PDE7A: variants seen among roughly 807,000 people sequenced by gnomAD.
PDE7A encodes the protein phosphodiesterase 7A, also known as high affinity 3',5'-cyclic-AMP phosphodiesterase 7A.
A neutral mutation model predicts 64.3 loss-of-function variants in PDE7A; 39 were observed. That is an observed-to-expected ratio of 0.61 (90% CI 0.47 to 0.79). The LOEUF is 0.79. PDE7A is among the 30% of genes least tolerant of loss of function. The probability of loss-of-function intolerance (pLI) is 0.00; values close to 1 mark genes in which losing one functional copy is unlikely to be tolerated. For missense variants in PDE7A, 470 were observed against 582.8 expected, an observed-to-expected ratio of 0.81 and a Z score of 1.99; for synonymous variants, 203 against 206.8, an observed-to-expected ratio of 0.98 and a Z score of 0.16.
chr8:65,820,015 T>C (rs909932630), intron 1 of PDE7A, among the ~76,000 whole-genome samples: 9 of 152,238 alleles, frequency 5.9e-5, no homozygotes, highest in South Asian at 2.1e-4. Context: ...TGGAGCAGAA[T>C]AGAATATCTC....
At chr8:65,808,045 C>T (rs373578461) in intron 1 of PDE7A, among the ~76,000 whole-genome samples, 1 of 152,202 alleles carries the variant, frequency 6.6e-6, no homozygotes, top group East Asian at 1.9e-4. Context: ...CAGTTCTGTA[C>T]ATGTCTTCCC....
chr8:65,828,012 TTAAC>T (rs1436398815), intron 1 of PDE7A, among the ~76,000 whole-genome samples: 1 of 152,170 alleles, frequency 6.6e-6, no homozygotes, highest in Admixed American at 6.6e-5. Context: ...CATTAGATTA[TTAAC>T]TAACTAGACC....
chr8:65,734,743 C>A, intron 7 of PDE7A, 51 bp downstream of exon 7: 1 of 1,032,386 alleles, frequency 9.7e-7, no homozygotes, highest in Non-Finnish European at 1.5e-6. Context: ...GAAAGTAAAT[C>A]AAAAGGAATT....
chr8:65,828,660 G>A (rs1285586378), intron 1 of PDE7A, among the ~76,000 whole-genome samples: 1 of 152,020 alleles, frequency 6.6e-6, no homozygotes, highest in East Asian at 1.9e-4. Flanking sequence ...GTATAGCATA[G>A]ACCTTCTGTC....
chr8:65,755,002 CTGTT>C (rs988936305), intron 3 of PDE7A, among the ~76,000 whole-genome samples: 9 of 149,900 alleles, frequency 6.0e-5, no homozygotes, highest in Admixed American at 5.4e-4. Context: ...CCATCATTGC[CTGTT>C]TATTTTTTTT....
At chr8:65,780,243 G>A (rs371723874) in intron 2 of PDE7A, among the ~76,000 whole-genome samples, 1 of 152,010 alleles carries the variant, frequency 6.6e-6, no homozygotes, top group East Asian at 1.9e-4. Context: ...ATTAAGAGCC[G>A]ACTCTGTGCC....
Position 65,766,103 on chromosome 8 carries a change from G to A in PDE7A, c.283+13617C>T, listed in dbSNP as rs557836656. Among the ~76,000 whole-genome samples, 1,131 of 152,100 alleles carry A rather than the reference G, an allele frequency of 7.4e-3. 8 individuals are homozygous for A. Among genetic ancestry groups the A allele is most frequent in the African/African-American group, 0.025 (1,020 of 41,478 alleles). On this transcript the variant is annotated intron_variant, in intron 3 of 12. Transcript: ENST00000401827. ...TGGGATTACAGGCGCCCGCCACCACGCCCAGCTAATTTTTGTATTTTTAGT... is the reference window on the plus strand; with the variant it reads ...TGGGATTACAGGCGCCCGCCACCACACCCAGCTAATTTTTGTATTTTTAGT...
intron 1 of PDE7A, among the ~76,000 whole-genome samples, chr8:65,818,406 T>G (rs1337460356): frequency 6.6e-6 from 1 of 152,250 alleles, no homozygotes; most frequent in Non-Finnish European, 1.5e-5. Context: ...CTGTCTCCTC[T>G]GTTGTACACA....
intron 7 of PDE7A, among the ~76,000 whole-genome samples, chr8:65,731,790 T>C (rs977359933): frequency 3.9e-5 from 6 of 152,146 alleles, no homozygotes; most frequent in Admixed American, 6.5e-5. Context: ...AATTATAAGG[T>C]ATAAAAACTG....
At chr8:65,763,527 T>C (rs1379857614) in intron 3 of PDE7A, among the ~76,000 whole-genome samples, 1 of 151,974 alleles carries the variant, frequency 6.6e-6, no homozygotes, top group Non-Finnish European at 1.5e-5. Context: ...ATCATGCCAT[T>C]GCACTACAAC....
At chr8:65,732,773 A>G (rs998081903) in intron 7 of PDE7A, among the ~76,000 whole-genome samples, 1 of 152,234 alleles carries the variant, frequency 6.6e-6, no homozygotes, top group Non-Finnish European at 1.5e-5. Context: ...CTGGCCTCCC[A>G]AAGTATTGAG....
intron 1 of PDE7A, among the ~76,000 whole-genome samples, chr8:65,784,985 A>T (rs1809509895): frequency 6.6e-6 from 1 of 152,146 alleles, no homozygotes; most frequent in Non-Finnish European, 1.5e-5. Context: ...TCTCCAAAAA[A>T]AAAATCACAT....
intron 7 of PDE7A, 66 bp from the exon 8 acceptor site, chr8:65,727,367 A>C (rs1806654553): frequency 6.3e-7 from 1 of 1,588,898 alleles, no homozygotes; most frequent in Non-Finnish European, 8.6e-7. Flanking sequence ...CCATCACAGT[A>C]GTTTTGAATT....
intron 1 of PDE7A, among the ~76,000 whole-genome samples, chr8:65,799,835 A>G (rs894055635): frequency 1.3e-5 from 2 of 152,232 alleles, no homozygotes; most frequent in Non-Finnish European, 2.9e-5. Context: ...GCTCACAGAC[A>G]GAAAAGGACT....
At chr8:65,802,592 T>C (rs1391528057) in intron 1 of PDE7A, among the ~76,000 whole-genome samples, 4 of 152,190 alleles carry the variant, frequency 2.6e-5, no homozygotes, top group South Asian at 2.1e-4. Context: ...GGGAAGGTAC[T>C]TGGACAGTTG....
intron 7 of PDE7A, among the ~76,000 whole-genome samples, chr8:65,729,968 G>A (rs1195023513): frequency 1.3e-5 from 2 of 151,704 alleles, no homozygotes; most frequent in South Asian, 2.1e-4. Context: ...GGCGGTCCTC[G>A]CAGGGCTCCT....
In PDE7A at chr8:65,842,042, G is replaced by A. The variant is rs1326761566; in HGVS notation, c.-534C>T. On this transcript the variant is annotated 5_prime_UTR_variant, in exon 1 of 13. Transcript: ENST00000401827. ...CGGAGCCTGACTTCACTCCGCCGCCGGCGCGAGCCCGGCGTAATTCACACT... is the reference window on the plus strand; with the variant it reads ...CGGAGCCTGACTTCACTCCGCCGCCAGCGCGAGCCCGGCGTAATTCACACT... 4.0e-5 allele frequency: 8 copies of A among 200,824 alleles called. 1 individual carries two copies. Among genetic ancestry groups the A allele is most frequent in the East Asian group, 1.7e-4 (1 of 5,980 alleles). The allele number at this position is 200,824 out of a possible 1,614,324, so 12.4% of individuals were successfully genotyped here.
intron 1 of PDE7A, among the ~76,000 whole-genome samples, chr8:65,819,712 G>A (rs551028709): frequency 6.6e-6 from 1 of 152,278 alleles, no homozygotes; most frequent in Admixed American, 6.5e-5. Context: ...AAGTTAGTAA[G>A]ATTAATTTTA....
At chr8:65,807,776 T>C (rs992007016) in intron 1 of PDE7A, among the ~76,000 whole-genome samples, 1 of 152,248 alleles carries the variant, frequency 6.6e-6, no homozygotes, top group African/African-American at 2.4e-5. Context: ...CTGCATCTAC[T>C]GGGATGAGCA....
Sources: gnomAD v4.1 joint callset for allele counts (sites outside exome capture counted in the v4.1 genomes callset) on GRCh38, gnomAD v4.1.1 for gene constraint, MANE v1.5 for transcripts, NCBI Gene and HGNC (gene_info 2026-07-23, HGNC 2026-07-21) for gene names.